The following EPHB2 variants were observed in gnomAD, a reference collection of about 807,000 sequenced individuals.
EPHB2 encodes EPH receptor B2.
EPHB2 carries 18 observed loss-of-function variants against 96.4 expected under a neutral mutation model. The observed-to-expected ratio is 0.19, with a 90% CI of 0.13 to 0.28. EPHB2 has a LOEUF of 0.28. EPHB2 is among the 10% of genes least tolerant of loss of function. EPHB2 has a pLI of 1.00. For synonymous variants in EPHB2, 506 were observed against 534.1 expected (o/e 0.95, Z 0.72); for missense variants, 989 against 1,355.4 (o/e 0.73, Z 4.25).
intron 5 of EPHB2, among the ~76,000 whole-genome samples, chr1:22,873,912 T>C (rs932829415): frequency 6.6e-6 from 1 of 152,234 alleles, no homozygotes; most frequent in Admixed American, 6.5e-5. Context: ...GGGCACAATG[T>C]ACCTAGCTAA....
At chr1:22,885,018 T>C (rs1639178080) in intron 6 of EPHB2, among the ~76,000 whole-genome samples, 1 of 152,128 alleles carries the variant, frequency 6.6e-6, no homozygotes, top group South Asian at 2.1e-4. Context: ...TCAAGAGCTG[T>C]TTGTTGGATG....
intron 1 of EPHB2, among the ~76,000 whole-genome samples, chr1:22,773,405 C>T (rs1009295096): frequency 2.0e-5 from 3 of 152,182 alleles, no homozygotes; most frequent in African/African-American, 7.2e-5. Flanking sequence ...CCCCACCAGC[C>T]CCAGACAGGG....
chr1:22,909,612 G>A (rs1387322195), intron 13 of EPHB2, among the ~76,000 whole-genome samples: 2 of 152,204 alleles, frequency 1.3e-5, no homozygotes, highest in Non-Finnish European at 2.9e-5. Context: ...GGAAGTGATC[G>A]CAGGACAAGT....
In EPHB2 at chr1:22,912,445, A is replaced by G; in HGVS notation, c.2698A>G (p.Ile900Val). The G allele has an allele frequency of 6.2e-7, 1 of 1,613,944 alleles. No homozygotes were observed. ...LKAMAPLSSGINLPLLDRTIP... is the reference protein window; with the variant it reads ...LKAMAPLSSGVNLPLLDRTIP... ...TCTGTCGCCCACCCCCAACCCCAGC[A>G]TCAACCTGCCGCTGCTGGACCGCAC... The change falls in exon 15 of 16, where the codon ATC (isoleucine) becomes GTC (valine). Residue 900 changes from isoleucine to valine, a missense_variant and splice_region_variant. Coordinates refer to ENST00000374630, the MANE Select transcript of EPHB2 (RefSeq NM_017449.5).
At chr1:22,852,779 G>A (rs976829641) in intron 3 of EPHB2, among the ~76,000 whole-genome samples, 10 of 152,368 alleles carry the variant, frequency 6.6e-5, no homozygotes, top group Non-Finnish European at 1.2e-4. Flanking sequence ...GGACCTTGCA[G>A]CCTGTCACTC....
intron 4 of EPHB2, among the ~76,000 whole-genome samples, chr1:22,864,107 A>G (rs1638378764): frequency 6.8e-6 from 1 of 146,074 alleles, no homozygotes; most frequent in South Asian, 2.1e-4. Context: ...CAATGGCATC[A>G]TGATCTCAGC....
intron 3 of EPHB2, among the ~76,000 whole-genome samples, chr1:22,827,638 T>C (rs1645243505): frequency 6.6e-6 from 1 of 152,192 alleles, no homozygotes; most frequent in Non-Finnish European, 1.5e-5. Flanking sequence ...TTTAGGAGAC[T>C]CATGTAAAGC....
chr1:22,731,391 A>G (rs1185194664), intron 1 of EPHB2, among the ~76,000 whole-genome samples: 1 of 152,110 alleles, frequency 6.6e-6, no homozygotes, highest in African/African-American at 2.4e-5. Flanking sequence ...CTGCAGTCAC[A>G]CCAGTTGGGT....
chr1:22,731,269 G>A (rs1643704367), intron 1 of EPHB2, among the ~76,000 whole-genome samples: 2 of 152,170 alleles, frequency 1.3e-5, no homozygotes, highest in African/African-American at 2.4e-5. Context: ...GAAGAGCCTG[G>A]CCCGGGCCCA....
intron 3 of EPHB2, among the ~76,000 whole-genome samples, chr1:22,802,650 G>A (rs116838852): frequency 5.3e-5 from 8 of 151,592 alleles, no homozygotes; most frequent in Non-Finnish European, 7.4e-5. Flanking sequence ...CTGTCCACCC[G>A]CACCACCCAG....
At chr1:22,755,952 TTGTC>T (rs758013627) in intron 1 of EPHB2, among the ~76,000 whole-genome samples, 15 of 152,264 alleles carry the variant, frequency 9.9e-5, no homozygotes, top group African/African-American at 2.9e-4. Flanking sequence ...AGATAGTTCT[TTGTC>T]TGAGACTGTC....
At chr1:22,716,086 G>T (rs1033535863) in intron 1 of EPHB2, among the ~76,000 whole-genome samples, 3 of 152,168 alleles carry the variant, frequency 2.0e-5, no homozygotes, top group African/African-American at 7.2e-5. Context: ...ACTCGGGATG[G>T]TAACCCCCCA....
intron 3 of EPHB2, among the ~76,000 whole-genome samples, chr1:22,804,424 A>C (rs1368436329): frequency 6.6e-6 from 1 of 152,162 alleles, no homozygotes; most frequent in Non-Finnish European, 1.5e-5. Context: ...CTCAGTTCTC[A>C]TGAATATAAA....
intron 9 of EPHB2, among the ~76,000 whole-genome samples, chr1:22,904,765 A>C (rs953918381): frequency 1.4e-4 from 22 of 152,244 alleles, no homozygotes; most frequent in Non-Finnish European, 7.3e-5. Flanking sequence ...AATAGGCTAT[A>C]AGCCAATTCG....
chr1:22,794,709 C>G (rs1002034990), intron 3 of EPHB2, among the ~76,000 whole-genome samples: 3 of 152,158 alleles, frequency 2.0e-5, no homozygotes, highest in Non-Finnish European at 2.9e-5. Context: ...GATGACCCAG[C>G]TAGGAAGAAG....
intron 1 of EPHB2, among the ~76,000 whole-genome samples, chr1:22,715,982 C>T (rs191973488): frequency 1.3e-5 from 2 of 152,320 alleles, no homozygotes; most frequent in Admixed American, 6.5e-5. Flanking sequence ...ATGATGGCGA[C>T]GTGGCCCCCT....
chr1:22,851,102 C>T (rs1645619619), intron 3 of EPHB2, among the ~76,000 whole-genome samples: 1 of 152,216 alleles, frequency 6.6e-6, no homozygotes, highest in Non-Finnish European at 1.5e-5. Context: ...TCAAGAGATC[C>T]TCCCACCTCA....
chr1:22,815,948 G>A (rs548219320), intron 3 of EPHB2, among the ~76,000 whole-genome samples: 42 of 152,270 alleles, frequency 2.8e-4, no homozygotes, highest in Non-Finnish European at 4.7e-4. Context: ...GAGGCAGAAG[G>A]TGTGTGGGTG....
At chr1:22,881,270 C>T (rs1036602114) in intron 5 of EPHB2, among the ~76,000 whole-genome samples, 1 of 152,100 alleles carries the variant, frequency 6.6e-6, no homozygotes, top group Non-Finnish European at 1.5e-5. Flanking sequence ...TGGTGGTGCA[C>T]ACCTGTAATC....
Sources: gnomAD v4.1 joint callset for allele counts (sites outside exome capture counted in the v4.1 genomes callset) on GRCh38, gnomAD v4.1.1 for gene constraint, MANE v1.5 for transcripts, NCBI Gene and HGNC (gene_info 2026-07-23, HGNC 2026-07-21) for gene names.